THADA: variants seen among roughly 807,000 people sequenced by gnomAD.
The protein encoded by THADA is THADA armadillo repeat containing.
A neutral mutation model predicts 219.8 loss-of-function variants in THADA; 213 were observed. That is an observed-to-expected ratio of 0.97 (90% CI 0.87 to 1.09). THADA has a LOEUF of 1.09. THADA is among the 50% of genes least tolerant of loss of function. The pLI, the probability that THADA is intolerant of heterozygous loss-of-function variation, is 0.00. For missense variants in THADA, 2,956 were observed against 2,311.3 expected (o/e 1.28, Z -5.72); for synonymous variants, 1,018 against 828.9 (o/e 1.23, Z -3.92).
intron 36 of THADA, among the ~76,000 whole-genome samples, chr2:43,273,270 CA>C (rs978782406): frequency 2.3e-3 from 270 of 115,746 alleles, no homozygotes; most frequent in Middle Eastern, 4.8e-3. Context: ...ACAACAACAA[CA>C]AAAAAAAAAA....
intron 21 of THADA, among the ~76,000 whole-genome samples, chr2:43,528,993 T>C (rs189762466): frequency 6.6e-6 from 1 of 152,212 alleles, no homozygotes; most frequent in African/African-American, 2.4e-5. Context: ...AGACATAAAA[T>C]TGTTAATGAC....
At position 43,428,220 on chromosome 2, in the gene THADA, T is replaced by G. The variant is rs749992686; in HGVS notation, c.3938A>C (p.Glu1313Ala). 6.9e-6 allele frequency: 11 copies of G among 1,598,616 alleles called. No individual in the cohort carries two copies. The South Asian group carries it at 1.1e-4, about 16-fold the overall frequency. The part of the protein sequence containing the change: ...VANTVDSDMG[E>A]PNRHPSMFLL... ...AAACATGCTTGGATGACGATTTGGT[T>G]CTCCCATATCACTGAAACAACAATT... The change falls in exon 28 of 38, where the codon GAA becomes GCA. Residue 1313 changes from glutamate to alanine, a missense_variant. Physicochemically the swap from Glu to Ala is moderately radical, Grantham distance 107. Transcript: ENST00000405975.
At chr2:43,359,832 C>T (rs1349377279) in intron 29 of THADA, among the ~76,000 whole-genome samples, 2 of 151,488 alleles carry the variant, frequency 1.3e-5, no homozygotes, top group Non-Finnish European at 2.9e-5. Flanking sequence ...CTGTGTTGCC[C>T]AGGCTGGACT....
intron 4 of THADA, among the ~76,000 whole-genome samples, chr2:43,588,320 G>A (rs1177256379): frequency 1.3e-5 from 2 of 150,278 alleles, no homozygotes; most frequent in African/African-American, 2.4e-5. Context: ...TATAAGGCCT[G>A]CAAATAATGT....
chr2:43,346,067 A>C (rs564958129), intron 29 of THADA, among the ~76,000 whole-genome samples: 40 of 152,206 alleles, frequency 2.6e-4, no homozygotes, highest in African/African-American at 9.4e-4. Flanking sequence ...CACGAGACAA[A>C]TGGAGAGCCA....
chr2:43,566,558 G>A (rs1421178199), intron 15 of THADA, 140 bp downstream of exon 15: 3 of 949,842 alleles, frequency 3.2e-6, no homozygotes, highest in Non-Finnish European at 3.4e-6. Context: ...ATTTCATTAT[G>A]TACAAGCAAG....
At chr2:43,534,560 T>C (rs1694310453) in intron 21 of THADA, among the ~76,000 whole-genome samples, 1 of 152,204 alleles carries the variant, frequency 6.6e-6, no homozygotes, top group African/African-American at 2.4e-5. Context: ...TGTGAGAACA[T>C]GCAGTGCTTA....
intron 21 of THADA, among the ~76,000 whole-genome samples, chr2:43,534,398 T>G (rs1261890239): frequency 6.6e-6 from 1 of 152,176 alleles, no homozygotes; most frequent in African/African-American, 2.4e-5. Context: ...ATAGTCATCC[T>G]ACTGTGGTAA....
intron 15 of THADA, chr2:43,566,254 T>G (rs942954396): frequency 4.1e-6 from 2 of 492,832 alleles, no homozygotes; most frequent in African/African-American, 4.0e-5. Flanking sequence ...CATATTGTCT[T>G]TCCGAAACCA....
chr2:43,435,285 T>C (rs910039982), intron 26 of THADA, among the ~76,000 whole-genome samples: 2 of 151,998 alleles, frequency 1.3e-5, no homozygotes, highest in African/African-American at 4.8e-5. Context: ...AGAAATCCCA[T>C]CTCTACTAAA....
chr2:43,378,438 A>T (rs1029552245), intron 29 of THADA, among the ~76,000 whole-genome samples: 1 of 152,234 alleles, frequency 6.6e-6, no homozygotes, highest in African/African-American at 2.4e-5. Flanking sequence ...TCTTGAGTAT[A>T]GTTAATATAA....
intron 26 of THADA, among the ~76,000 whole-genome samples, chr2:43,460,532 A>G (rs1473033823): frequency 6.6e-6 from 1 of 152,188 alleles, no homozygotes; most frequent in African/African-American, 2.4e-5. Flanking sequence ...TAGAGACTGC[A>G]AAGACATCAA....
At chr2:43,436,171 C>CAA (rs1680077591) in intron 26 of THADA, among the ~76,000 whole-genome samples, 1 of 152,034 alleles carries the variant, frequency 6.6e-6, no homozygotes, top group Admixed American at 6.6e-5. Flanking sequence ...CTATTCTAGA[C>CAA]AAAACGTCTG....
chr2:43,518,248 G>C (rs1691977919), intron 22 of THADA, among the ~76,000 whole-genome samples: 1 of 152,126 alleles, frequency 6.6e-6, no homozygotes, highest in Non-Finnish European at 1.5e-5. Context: ...GAATATGGCA[G>C]TCTAACAAAC....
chr2:43,372,206 C>A (rs1373032790), intron 29 of THADA: 1 of 152,066 alleles, frequency 6.6e-6, no homozygotes, highest in Admixed American at 6.5e-5. Context: ...TCTGAACACA[C>A]GAGAAATCTA....
At chr2:43,489,407 T>C (rs1203282296) in intron 25 of THADA, among the ~76,000 whole-genome samples, 3 of 152,200 alleles carry the variant, frequency 2.0e-5, no homozygotes, top group African/African-American at 4.8e-5. Context: ...GTCTAATTTA[T>C]CAATTTTTGT....
chr2:43,451,802 T>C (rs947283793), intron 26 of THADA, among the ~76,000 whole-genome samples: 1 of 152,236 alleles, frequency 6.6e-6, no homozygotes, highest in Non-Finnish European at 1.5e-5. Context: ...TTGTCTCATC[T>C]ACTATACTAT....
chr2:43,307,944 AT>A (rs1453393397), intron 31 of THADA, among the ~76,000 whole-genome samples: 3 of 152,244 alleles, frequency 2.0e-5, no homozygotes, highest in African/African-American at 7.2e-5. Flanking sequence ...ATGGTCAAGA[AT>A]CTAGAGGAAG....
At chr2:43,335,978 TC>T (rs1231267869) in intron 30 of THADA, among the ~76,000 whole-genome samples, 1 of 151,648 alleles carries the variant, frequency 6.6e-6, no homozygotes, top group African/African-American at 2.4e-5. Context: ...GCGCCTGCAG[TC>T]CCAGCTACTC....
Sources: gnomAD v4.1 joint callset for allele counts (sites outside exome capture counted in the v4.1 genomes callset) on GRCh38, gnomAD v4.1.1 for gene constraint, MANE v1.5 for transcripts, NCBI Gene and HGNC (gene_info 2026-07-23, HGNC 2026-07-21) for gene names.